The following SRPRA variants were observed in gnomAD, a reference collection of about 807,000 sequenced individuals.
The protein encoded by SRPRA is signal recognition particle receptor subunit alpha.
SRPRA carries 30 observed loss-of-function variants against 61.1 expected under a neutral mutation model. The observed-to-expected ratio is 0.49, with a 90% CI of 0.37 to 0.67. The LOEUF is 0.67. Among genes scored for constraint, SRPRA ranks in the 30% least tolerant of loss-of-function variants. SRPRA has a pLI of 0.00. For missense variants in SRPRA, 759 were observed against 828.4 expected (o/e 0.92, Z 1.03); for synonymous variants, 324 against 299.7 (o/e 1.08, Z -0.84).
downstream of SRPRA, among the ~76,000 whole-genome samples, chr11:126,258,372 G>A (rs1950614408): frequency 6.6e-6 from 1 of 152,172 alleles, no homozygotes; most frequent in Non-Finnish European, 1.5e-5. Context: ...GAGCAATAAA[G>A]CAAGACGCTG....
the SRPRA span, among the ~76,000 whole-genome samples, chr11:126,241,755 G>A: frequency 6.6e-6 from 1 of 152,008 alleles, no homozygotes; most frequent in African/African-American, 2.4e-5. Context: ...TTGCCATGTT[G>A]GTCAAGCTGG....
the SRPRA span, among the ~76,000 whole-genome samples, chr11:126,247,618 G>C: frequency 6.6e-6 from 1 of 152,020 alleles, no homozygotes; most frequent in Non-Finnish European, 1.5e-5. Flanking sequence ...CCAACACTTT[G>C]GGAGGCCGAG....
At position 126,264,538 on chromosome 11, in the gene SRPRA, T is replaced by G. The variant is rs780609710; in HGVS notation, c.1527A>C (p.Ala509=). ...AGIAMEAIAF[A]RNQGFDVVLV... is the part of the protein sequence containing the mutation. ...GCACCACGTCAAAGCCTTGGTTACG[T>G]GCTAGAGAAAGAAAGTAGTCAACTC... The change falls in exon 12 of 14, where the codon GCA becomes GCC. Residue 509 remains alanine (A), a splice_region_variant and synonymous_variant. Transcript: ENST00000332118. This position sits in a 1 kb window ranked among gnomAD's most constrained non-coding sequence, Gnocchi z 5.0. 6.2e-7 allele frequency: 1 copy of G among 1,612,520 alleles called. No individual in the cohort carries two copies. The highest frequency in any genetic ancestry group is 8.5e-7 in the Non-Finnish European group (1 of 1,179,918).
At chr11:126,237,712 C>T in the SRPRA span, among the ~76,000 whole-genome samples, 375 of 133,372 alleles carry the variant, frequency 2.8e-3, 1 homozygote, top group Middle Eastern at 8.7e-3. Context: ...AAAAAATTAG[C>T]GGGGCGTGGT....
the SRPRA span, among the ~76,000 whole-genome samples, chr11:126,239,662 C>T: frequency 3.3e-5 from 5 of 152,052 alleles, no homozygotes; most frequent in Admixed American, 1.3e-4. Context: ...TACAGGTGTG[C>T]GCCACCAGAC....
chr11:126,268,825 T>C lies in SRPRA; in HGVS notation c.-21A>G, dbSNP rs1179616552. 3 of 1,600,994 alleles carry C rather than the reference T, an allele frequency of 1.9e-6. No homozygotes were observed. The highest frequency in any genetic ancestry group is 1.3e-5 in the African/African-American group (1 of 74,674). ...AGCATGGCGGCAGCGGCAGAGGAGC[T>C]GGGGCCGGCGCCGGGAATTCAGGCC... On this transcript the variant is annotated 5_prime_UTR_variant, in exon 1 of 14. Transcript: ENST00000332118.
rs1373300340 is a variant in SRPRA at position 126,267,259 on chromosome 11, G to C, written c.442C>G (p.Pro148Ala). 2 of 1,613,934 alleles carry C rather than the reference G, an allele frequency of 1.2e-6. No homozygotes were observed. Among genetic ancestry groups the C allele is most frequent in the Non-Finnish European group, 1.7e-6 (2 of 1,180,026 alleles). Residue 148 changes from proline (P) to alanine (A), a missense_variant, in exon 4 of 14, where the codon CCT becomes GCT. Transcript: ENST00000332118. The surrounding 1 kb of genome is among the most constrained non-coding windows in gnomAD (Gnocchi z 4.2). ...KFEDSEKAKK[P>A]VRSMIETRGE... ...CGTGTCTCAATCATGGACCTCACAG[G>C]TTTCTTGGCCTTTTCAGAATCTTCA...
downstream of SRPRA, chr11:126,261,014 G>C (rs559429186): frequency 1.2e-5 from 2 of 161,604 alleles, no homozygotes; most frequent in African/African-American, 4.8e-5. Context: ...TTATTTTGTG[G>C]GAGTATTCTG....
At chr11:126,253,334 T>C in the SRPRA span, among the ~76,000 whole-genome samples, 1 of 152,204 alleles carries the variant, frequency 6.6e-6, no homozygotes, top group Non-Finnish European at 1.5e-5. This position sits in a 1 kb window ranked among gnomAD's most constrained non-coding sequence, Gnocchi z 5.1. Context: ...CGGTGCCTCT[T>C]GACTACTTTC....
downstream of SRPRA, chr11:126,260,806 T>C (rs1419399268): frequency 6.6e-6 from 1 of 152,268 alleles, no homozygotes; most frequent in Non-Finnish European, 1.5e-5. Flanking sequence ...TTTTACTTTT[T>C]CTGAACTATT....
Position 126,268,883 on chromosome 11 carries a change from CG to C in SRPRA, c.-80del. On this transcript the variant is annotated 5_prime_UTR_variant, in exon 1 of 14. Transcript: ENST00000332118. ...CCGCCGCTTCCTGCTGCGCCAAGCG[CG>C]GGACACGTCACACCAGTGGCCCCGG... 1 of 1,199,698 alleles carries C rather than the reference CG, an allele frequency of 8.3e-7. No homozygotes were observed. Among genetic ancestry groups the C allele is most frequent in the South Asian group, 1.3e-5 (1 of 79,332 alleles). 74.3% of individuals were successfully genotyped at this position (1,199,698 alleles called of 1,614,324 possible).
chr11:126,237,207 C>T, the SRPRA span, among the ~76,000 whole-genome samples: 6 of 128,950 alleles, frequency 4.7e-5, no homozygotes, highest in African/African-American at 1.4e-4. Flanking sequence ...TGAGCCACCG[C>T]GCCTGGCCTT....
the SRPRA span, among the ~76,000 whole-genome samples, chr11:126,252,492 C>A: frequency 2.0e-5 from 3 of 151,532 alleles, no homozygotes; most frequent in Non-Finnish European, 4.4e-5. This position sits in a 1 kb window ranked among gnomAD's most constrained non-coding sequence, Gnocchi z 4.7. Flanking sequence ...AGGCCTGTAA[C>A]CCCAGCACTT....
rs1244506377 is a variant in SRPRA, at chr11:126,266,765, G to T, written c.684C>A (p.Ser228=). The T allele has an allele frequency of 3.7e-6, 6 of 1,613,816 alleles. No individual in the cohort carries two copies. The highest frequency in any genetic ancestry group is 5.1e-6 in the Non-Finnish European group (6 of 1,179,920). ...IQKHGRGMEK[S]NKSTKSDAPK... ...AGTACTGGAGAAAGAGTGCTCACTT[G>T]GACTTCTCCATACCCCTCCCATGCT... is the stretch of plus-strand genomic sequence containing the variant. Residue 228 remains serine, a splice_region_variant and synonymous_variant, in exon 5 of 14, where the codon TCC becomes TCA. Transcript: ENST00000332118.
chr11:126,240,967 A>C, the SRPRA span: 8 of 1,614,032 alleles, frequency 5.0e-6, no homozygotes, highest in South Asian at 7.7e-5. Context: ...TGAGGAGAGC[A>C]AAAAGTTTCA....
downstream of SRPRA, chr11:126,262,212 A>G: frequency 6.8e-7 from 1 of 1,481,312 alleles, no homozygotes; most frequent in Non-Finnish European, 9.4e-7. Context: ...TAAACTTACA[A>G]GAACCCAACA....
the SRPRA span, among the ~76,000 whole-genome samples, chr11:126,246,849 C>T: frequency 2.6e-5 from 4 of 152,316 alleles, no homozygotes; most frequent in South Asian, 8.3e-4. Flanking sequence ...GCATTTCCTT[C>T]TGACTACTGA....
chr11:126,256,816 C>T, the SRPRA span: 2 of 1,612,002 alleles, frequency 1.2e-6, no homozygotes, highest in African/African-American at 1.3e-5. The surrounding 1 kb of genome is among the most constrained non-coding windows in gnomAD (Gnocchi z 6.6). Context: ...ATATTTCAAG[C>T]GACTGACATG....
intron 4 of SRPRA, 59 bp from the exon 5 acceptor site, chr11:126,266,981 G>C: frequency 6.4e-7 from 1 of 1,571,048 alleles, no homozygotes; most frequent in Non-Finnish European, 8.6e-7. Context: ...ACTAGACAAT[G>C]GCTAAAAGTC....
Sources: allele counts gnomAD v4.1 joint callset (sites outside exome capture counted in the v4.1 genomes callset), GRCh38; gene constraint gnomAD v4.1.1; non-coding constraint Gnocchi (gnomAD v3.1); transcripts MANE v1.5; gene names NCBI Gene and HGNC (gene_info 2026-07-23, HGNC 2026-07-21).